Variants in MYT1L observed in about 807,000 individuals in gnomAD.
MYT1L encodes the protein myelin transcription factor 1 like.
A neutral mutation model predicts 126.7 loss-of-function variants in MYT1L; 12 were observed. The observed-to-expected ratio is 0.09, with a 90% CI of 0.06 to 0.15. MYT1L has a LOEUF of 0.15. Ranked by LOEUF, MYT1L falls within the 10% of genes least tolerant of loss-of-function variation. MYT1L has a pLI of 1.00. For synonymous variants in MYT1L, 541 were observed against 604.2 expected (o/e 0.90, Z 1.53); for missense variants, 979 against 1,585.2 (o/e 0.62, Z 6.49).
At chr2:2,259,684 G>A (rs972872203) in intron 2 of MYT1L, among the ~76,000 whole-genome samples, 1 of 152,104 alleles carries the variant, frequency 6.6e-6, no homozygotes, top group Non-Finnish European at 1.5e-5. Flanking sequence ...AATGTGGCTA[G>A]TATCGATCCA....
chr2:1,865,520 G>A (rs909398003), intron 18 of MYT1L, among the ~76,000 whole-genome samples: 3 of 152,150 alleles, frequency 2.0e-5, no homozygotes, highest in Admixed American at 6.5e-5. Flanking sequence ...CATCCGCATC[G>A]TTAGGATCCT....
intron 3 of MYT1L, among the ~76,000 whole-genome samples, chr2:2,116,756 G>A (rs2080261388): frequency 6.6e-6 from 1 of 152,220 alleles, no homozygotes; most frequent in Non-Finnish European, 1.5e-5. Flanking sequence ...ACCACCTTAG[G>A]ACCACCAGGC....
chr2:1,964,487 T>C (rs2059188576), intron 8 of MYT1L, among the ~76,000 whole-genome samples: 1 of 152,150 alleles, frequency 6.6e-6, no homozygotes, highest in Admixed American at 6.5e-5. Context: ...CAAACTGCAA[T>C]AAAGCAACGT....
intron 3 of MYT1L, among the ~76,000 whole-genome samples, chr2:2,118,245 G>A (rs1375331598): frequency 2.0e-5 from 3 of 151,976 alleles, no homozygotes; most frequent in South Asian, 2.1e-4. Flanking sequence ...TCCTCCAGGC[G>A]GTGTGCTCCA....
rs2053796835 is a variant in MYT1L, at chr2:1,923,236, G to A, written c.533C>T (p.Thr178Ile). 2 of 1,598,190 alleles carry A rather than the reference G, an allele frequency of 1.3e-6. No individual in the cohort carries two copies. Among genetic ancestry groups the A allele is most frequent in the African/African-American group, 1.3e-5 (1 of 74,820 alleles). Residue 178 changes from threonine (T) to isoleucine (I), a missense_variant, in exon 10 of 25, where the codon ACT (threonine) becomes ATT (isoleucine). By Grantham distance (89) the Thr-to-Ile change is moderately conservative. Coordinates refer to ENST00000647738, the MANE Select transcript of MYT1L (RefSeq NM_001303052.2). ...CTTTTCTGTGTCTTGCATTATTCGAGTATTGTGACAATTCATTTGATGGTC... is the reference window on the plus strand; with the variant it reads ...CTTTTCTGTGTCTTGCATTATTCGAATATTGTGACAATTCATTTGATGGTC... The part of the protein sequence containing the change: ...NEDHQMNCHN[T>I]RIMQDTEKDD...
chr2:2,018,272 C>A (rs754132927), intron 4 of MYT1L, among the ~76,000 whole-genome samples: 1 of 152,186 alleles, frequency 6.6e-6, no homozygotes, highest in Non-Finnish European at 1.5e-5. Context: ...TGCCCTCAGA[C>A]ACTAACTCAG....
chr2:1,987,476 C>T (rs2061133396), intron 5 of MYT1L, among the ~76,000 whole-genome samples: 1 of 152,158 alleles, frequency 6.6e-6, no homozygotes, highest in Admixed American at 6.5e-5. Context: ...GCAGCGTTCC[C>T]ATGGGAGGGG....
chr2:2,128,441 T>C (rs1254414095), intron 3 of MYT1L, among the ~76,000 whole-genome samples: 1 of 152,166 alleles, frequency 6.6e-6, no homozygotes, highest in Non-Finnish European at 1.5e-5. Flanking sequence ...CATGAGCCAC[T>C]ACACCCAGCC....
intron 3 of MYT1L, among the ~76,000 whole-genome samples, chr2:2,119,901 AT>A (rs1340229576): frequency 5.3e-5 from 8 of 152,286 alleles, no homozygotes; most frequent in Non-Finnish European, 7.4e-5. Flanking sequence ...TTACAAGGAA[AT>A]TTGGTTTGCG....
At chr2:2,225,928 G>A (rs2093997643) in intron 2 of MYT1L, among the ~76,000 whole-genome samples, 1 of 152,160 alleles carries the variant, frequency 6.6e-6, no homozygotes, top group Admixed American at 6.5e-5. Context: ...ACGAGTATAA[G>A]AAGCTTGCCC....
At chr2:2,285,848 C>G (rs1026418410) in intron 1 of MYT1L, among the ~76,000 whole-genome samples, 2 of 152,156 alleles carry the variant, frequency 1.3e-5, no homozygotes, top group African/African-American at 2.4e-5. Flanking sequence ...GGAGACAGAG[C>G]TAGAGCATGC....
chr2:1,849,668 C>CTG (rs1273137927), intron 19 of MYT1L, among the ~76,000 whole-genome samples: 2 of 152,260 alleles, frequency 1.3e-5, no homozygotes, highest in African/African-American at 2.4e-5. Context: ...CACTTGCCAG[C>CTG]ACTGCAGAGG....
chr2:1,826,275 A>G (rs76726886), intron 21 of MYT1L, among the ~76,000 whole-genome samples: 1 of 152,222 alleles, frequency 6.6e-6, no homozygotes, highest in Non-Finnish European at 1.5e-5. Flanking sequence ...CATGGGACAC[A>G]GTTCGGCTTC....
At chr2:2,181,661 C>T (rs756429185) in intron 2 of MYT1L, among the ~76,000 whole-genome samples, 1 of 152,128 alleles carries the variant, frequency 6.6e-6, no homozygotes. Flanking sequence ...TTTGTCTTCC[C>T]GGATGCAGTG....
intron 18 of MYT1L, among the ~76,000 whole-genome samples, chr2:1,870,305 T>C (rs781441366): frequency 2.6e-5 from 4 of 152,230 alleles, no homozygotes; most frequent in South Asian, 4.1e-4. Flanking sequence ...ACTTCTAGCC[T>C]GCTTGGTGCT....
chr2:1,918,972 A>G (rs1382045718), intron 10 of MYT1L, among the ~76,000 whole-genome samples: 1 of 152,232 alleles, frequency 6.6e-6, no homozygotes, highest in African/African-American at 2.4e-5. Flanking sequence ...AGTGCACAGT[A>G]ACAGTTTCAA....
intron 8 of MYT1L, among the ~76,000 whole-genome samples, chr2:1,978,871 T>C (rs935901599): frequency 6.6e-6 from 1 of 152,036 alleles, no homozygotes; most frequent in Admixed American, 6.6e-5. Flanking sequence ...AGTGGGAAGT[T>C]CTTAGGTGGC....
At chr2:2,208,585 C>A (rs910954058) in intron 2 of MYT1L, among the ~76,000 whole-genome samples, 2 of 152,120 alleles carry the variant, frequency 1.3e-5, no homozygotes, top group African/African-American at 4.8e-5. Flanking sequence ...GAATCATACA[C>A]AACAATAACA....
intron 5 of MYT1L, among the ~76,000 whole-genome samples, chr2:1,990,467 G>A (rs965022523): frequency 6.6e-6 from 1 of 152,182 alleles, no homozygotes; most frequent in African/African-American, 2.4e-5. Context: ...ACCCAAGACA[G>A]GATGAACTCA....
Sources: allele counts gnomAD v4.1 joint callset (sites outside exome capture counted in the v4.1 genomes callset), GRCh38; gene constraint gnomAD v4.1.1; transcripts MANE v1.5; gene names NCBI Gene and HGNC (gene_info 2026-07-23, HGNC 2026-07-21).